The following PDILT variants were observed in gnomAD, a reference collection of about 807,000 sequenced individuals.
PDILT encodes protein disulfide isomerase like, testis expressed.
PDILT carries 43 observed loss-of-function variants against 53.7 expected under a neutral mutation model. The ratio of observed to expected loss-of-function variants is 0.80; its 90% CI spans 0.63 to 1.03. PDILT has a LOEUF of 1.03. PDILT is among the 50% of genes least tolerant of loss of function. The probability of loss-of-function intolerance (pLI) is 0.00; values close to 1 mark genes in which losing one functional copy is unlikely to be tolerated. For missense variants in PDILT, 727 were observed against 712.3 expected, an observed-to-expected ratio of 1.02 and a Z score of -0.24; for synonymous variants, 282 against 274.2, an observed-to-expected ratio of 1.03 and a Z score of -0.28.
chr16:20,380,337 T>C (rs1966445573), intron 3 of PDILT, among the ~76,000 whole-genome samples: 2 of 152,162 alleles, frequency 1.3e-5, no homozygotes, highest in South Asian at 4.1e-4. Context: ...TATTTTCTTT[T>C]TCTTTTTTTC....
At chr16:20,364,856 C>A (rs183324417) in intron 9 of PDILT, among the ~76,000 whole-genome samples, 1 of 152,302 alleles carries the variant, frequency 6.6e-6, no homozygotes. Context: ...GGGTCCCCAC[C>A]TCCTATGGGC....
intron 8 of PDILT, among the ~76,000 whole-genome samples, chr16:20,367,102 T>TCTTTCTTC: frequency 8.8e-6 from 1 of 113,754 alleles, no homozygotes; most frequent in African/African-American, 3.7e-5. Context: ...TTTCTTTCTT[T>TCTTTCTTC]CTTCCTTTCT....
intron 9 of PDILT, among the ~76,000 whole-genome samples, chr16:20,363,731 GTTA>G (rs1042587391): frequency 5.3e-5 from 8 of 152,076 alleles, no homozygotes; most frequent in African/African-American, 1.9e-4. Flanking sequence ...TACATGTCAT[GTTA>G]TTATACATAT....
In PDILT at chr16:20,373,086, T is replaced by C. The variant is rs572238475; in HGVS notation, c.718A>G (p.Ser240Gly). The C allele has an allele frequency of 6.2e-7, 1 of 1,614,180 alleles. No individual in the cohort carries two copies. The highest frequency in any genetic ancestry group is 1.3e-5 in the African/African-American group (1 of 75,050). The change falls in exon 6 of 12, where the codon AGT (serine) becomes GGT (glycine). Residue 240 changes from serine (S) to glycine (G), a missense_variant. Physicochemically the swap from Ser to Gly is moderately conservative, Grantham distance 56 (BLOSUM62 0). Transcript: ENST00000302451. ...CGATTGAGTTCCTGTTTGTTGGTAC[T>C]GTCATTAATAAGCTTTTGGCGGTTC... is the stretch of plus-strand genomic sequence containing the variant. ...IVNRQKLIND[S>G]TNKQELNRVI...
chr16:20,403,283 C>T (rs1567334719), intron 1 of PDILT, among the ~76,000 whole-genome samples: 1 of 152,076 alleles, frequency 6.6e-6, no homozygotes, highest in South Asian at 2.1e-4. Context: ...TCAGACATTT[C>T]CTTTATTTTT....
intron 1 of PDILT, among the ~76,000 whole-genome samples, chr16:20,403,574 G>A (rs1966773626): frequency 6.6e-6 from 1 of 152,132 alleles, no homozygotes; most frequent in East Asian, 1.9e-4. Context: ...GCAGGCGTGA[G>A]CCACCGTGCC....
chr16:20,401,468 G>A (rs189441877), intron 1 of PDILT, among the ~76,000 whole-genome samples: 40 of 152,268 alleles, frequency 2.6e-4, no homozygotes, highest in Middle Eastern at 3.4e-3. Flanking sequence ...TGACATAAAC[G>A]TAAGGTAGGG....
chr16:20,399,344 C>T (rs369670239), intron 1 of PDILT, 37 bp from the exon 2 acceptor site: 75 of 1,603,674 alleles, frequency 4.7e-5, no homozygotes, highest in Non-Finnish European at 5.7e-5. Context: ...ACCTTATCAA[C>T]ACAGGTGGTG....
rs1383341526 is a variant in PDILT at position 20,373,137 on chromosome 16, G to A, written c.682-15C>T. On this transcript the variant is annotated splice_polypyrimidine_tract_variant and intron_variant, in intron 5 of 11. Coordinates refer to ENST00000302451, the MANE Select transcript of PDILT (RefSeq NM_174924.2). The stretch of plus-strand genomic sequence containing the variant: ...ACAATTTTTCCCTTGTACAAAAGGA[G>A]AAACATATTGGAGGACAGTAGCTTT... 2 of 1,596,948 alleles carry A rather than the reference G, an allele frequency of 1.3e-6. No individual in the cohort carries two copies. The highest frequency in any genetic ancestry group is 1.7e-6 in the Non-Finnish European group (2 of 1,164,572).
chr16:20,382,421 G>A lies in PDILT; in HGVS notation c.409+2224C>T, dbSNP rs115570986. ...AGTCATTCCCATTTGTTAACACGTG[G>A]CTGCCTTCACATTGCATCAGCAGAT... On this transcript the variant is annotated intron_variant, in intron 3 of 11. Transcript: ENST00000302451. Among the ~76,000 whole-genome samples the A allele has an allele frequency of 4.8e-3, 728 of 152,264 alleles. 1 individual carries two copies. The highest frequency in any genetic ancestry group is 0.016 in the African/African-American group (680 of 41,540).
intron 1 of PDILT, among the ~76,000 whole-genome samples, chr16:20,403,540 T>C (rs1966772852): frequency 6.6e-6 from 1 of 152,200 alleles, no homozygotes; most frequent in Non-Finnish European, 1.5e-5. Context: ...TCCACCTGCC[T>C]GGGCCTCCCA....
At chr16:20,389,644 G>T (rs1966584290) in intron 2 of PDILT, among the ~76,000 whole-genome samples, 3 of 152,144 alleles carry the variant, frequency 2.0e-5, no homozygotes, top group Non-Finnish European at 4.4e-5. Flanking sequence ...GTTAGAATAG[G>T]CAATGGCTCC....
At chr16:20,395,966 C>G (rs1966657858) in intron 2 of PDILT, among the ~76,000 whole-genome samples, 1 of 152,176 alleles carries the variant, frequency 6.6e-6, no homozygotes. Flanking sequence ...ATAAATTACC[C>G]AGCCTCAGGT....
intron 1 of PDILT, among the ~76,000 whole-genome samples, chr16:20,402,428 A>G (rs1017406776): frequency 8.5e-5 from 13 of 152,170 alleles, no homozygotes; most frequent in African/African-American, 3.1e-4. Flanking sequence ...CCTCTGGAGT[A>G]GCTGGGATTA....
chr16:20,363,524 G>T (rs1359508748), intron 9 of PDILT, among the ~76,000 whole-genome samples: 4 of 151,710 alleles, frequency 2.6e-5, no homozygotes, highest in Non-Finnish European at 5.9e-5. Context: ...AGCACACGGG[G>T]GTTTTCACAA....
rs918081707 is a variant in PDILT, at chr16:20,360,778, C to T, written c.1417-121G>A. 8 of 708,694 alleles carry T rather than the reference C, an allele frequency of 1.1e-5. No homozygotes were observed. In the East Asian group the frequency reaches 2.0e-4, roughly 18 times the overall value. The allele number at this position is 708,694 out of a possible 1,614,324, so 43.9% of individuals were successfully genotyped here. A position where few individuals can be genotyped will look rare whatever the true frequency, so the allele number is the denominator to read the frequency against. ...CAACCCCGGGTATGTTATGCAGGTTCCCTAACCTCTCTTAGCCTCCAGTGC... is the reference window on the plus strand; with the variant it reads ...CAACCCCGGGTATGTTATGCAGGTTTCCTAACCTCTCTTAGCCTCCAGTGC... On this transcript the variant is annotated intron_variant, in intron 10 of 11. Transcript: ENST00000302451.
chr16:20,399,383 T>C (rs1320718312), intron 1 of PDILT, 76 bp from the exon 2 acceptor site: 8 of 1,488,154 alleles, frequency 5.4e-6, no homozygotes, highest in Non-Finnish European at 7.4e-6. Flanking sequence ...CCCACTTCCT[T>C]GTCCAGCTGG....
At position 20,399,294 on chromosome 16, in the gene PDILT, G is replaced by A. The variant is rs1462150843; in HGVS notation, c.7C>T (p.Leu3=). 1.2e-6 allele frequency: 2 copies of A among 1,613,890 alleles called. No homozygotes were observed. Among genetic ancestry groups the A allele is most frequent in the Non-Finnish European group, 1.7e-6 (2 of 1,179,880 alleles). The change falls in exon 2 of 12, where the codon CTA becomes TTA. Residue 3 remains leucine (L), a synonymous_variant. Coordinates refer to ENST00000302451, the MANE Select transcript of PDILT (RefSeq NM_174924.2). The part of the protein sequence containing the change: MD[L]LWMPLLLVAA... ...ACCAGCAGCAGGGGCATCCAGAGTA[G>A]GTCCATGGCTGTCCTGCAGGGGCCG...
At chr16:20,364,915 G>A (rs193156803) in intron 9 of PDILT, among the ~76,000 whole-genome samples, 1 of 152,214 alleles carries the variant, frequency 6.6e-6, no homozygotes, top group South Asian at 2.1e-4. Flanking sequence ...CTGTACAGCA[G>A]TTAGGAGTGT....
Sources: gnomAD v4.1 joint callset for allele counts (sites outside exome capture counted in the v4.1 genomes callset) on GRCh38, gnomAD v4.1.1 for gene constraint, MANE v1.5 for transcripts, NCBI Gene and HGNC (gene_info 2026-07-23, HGNC 2026-07-21) for gene names.